Variants in GCN1 observed in about 807,000 individuals in gnomAD.
GCN1 encodes the protein stalled ribosome sensor GCN1.
GCN1 carries 90 observed loss-of-function variants against 288.4 expected under a neutral mutation model. The ratio of observed to expected loss-of-function variants is 0.31; its 90% CI spans 0.26 to 0.37. The LOEUF is 0.37. GCN1 is among the 10% of genes least tolerant of loss of function. The probability of loss-of-function intolerance (pLI) is 1.00; values close to 1 mark genes in which losing one functional copy is unlikely to be tolerated. For missense variants in GCN1, 2,586 were observed against 3,419.9 expected (o/e 0.76, Z 6.08); for synonymous variants, 1,386 against 1,420.2 (o/e 0.98, Z 0.54).
intron 38 of GCN1, among the ~76,000 whole-genome samples, chr12:120,146,829 G>C (rs1414071782): frequency 6.6e-6 from 1 of 152,198 alleles, no homozygotes; most frequent in African/African-American, 2.4e-5. Context: ...GAGAAGACAG[G>C]CCTTTCTGGG....
At position 120,162,813 on chromosome 12, in the gene GCN1, G is replaced by T. The variant is rs369399808; in HGVS notation, c.2163+34C>A. The stretch of plus-strand genomic sequence containing the variant: ...ACTGTGATGAGAGGGCCCCCTCCCG[G>T]ACCTGAGGCCAGACCAGCTCATGTG... On this transcript the variant is annotated intron_variant, in intron 20 of 57. Transcript: ENST00000300648. The T allele has an allele frequency of 5.0e-5, 80 of 1,609,814 alleles. No homozygotes were observed. The African/African-American group carries it at 1.0e-3, about 21-fold the overall frequency.
intron 2 of GCN1, among the ~76,000 whole-genome samples, chr12:120,188,559 A>C (rs1204265017): frequency 6.6e-6 from 1 of 151,754 alleles, no homozygotes; most frequent in Non-Finnish European, 1.5e-5. Flanking sequence ...ATGATATCCC[A>C]AGTCATAAAA....
rs1217721887 is a variant in GCN1 at position 120,178,703 on chromosome 12, C to G, written c.582G>C (p.Gln194His). The change falls in exon 7 of 58, where the codon CAG becomes CAC. Residue 194 changes from glutamine (Q) to histidine (H), a missense_variant. By Grantham distance (24) the Gln-to-His change is conservative (BLOSUM62 0). This residue lies in a region of GCN1 where 913 missense variants were observed against 1,107.0 expected (regional missense o/e 0.82). Coordinates refer to ENST00000300648, the MANE Select transcript of GCN1 (RefSeq NM_006836.2). The part of the protein sequence containing the change: ...LSAILSLEPN[Q>H]NYAGMLGLLV... ...GCAGCCCCAGCATGCCAGCATAGTT[C>G]TGGTTGGGCTCTAGGCTGAGAATGG... is the stretch of plus-strand genomic sequence containing the variant. 1.2e-6 allele frequency: 2 copies of G among 1,614,206 alleles called. No homozygotes were observed. Among genetic ancestry groups the G allele is most frequent in the Admixed American group, 1.7e-5 (1 of 60,030 alleles).
intron 39 of GCN1, 23 bp downstream of exon 39, chr12:120,145,239 C>A (rs1877327638): frequency 6.3e-7 from 1 of 1,577,450 alleles, no homozygotes; most frequent in South Asian, 1.2e-5. Flanking sequence ...CCTGGCCCAT[C>A]CCCCAGCCTA....
Position 120,155,340 on chromosome 12 carries a change from C to A in GCN1, c.3531G>T (p.Gln1177His). 6.2e-7 allele frequency: 1 copy of A among 1,614,214 alleles called. No homozygotes were observed. ...CTTGGGAGAGGGCTTCGGCCCCTGC[C>A]TGCCTTACAGCCGCCTCATGATAGA... ...DVIYHEAAVR[Q>H]AGAEALSQAV... Residue 1177 changes from glutamine to histidine, a missense_variant, in exon 30 of 58, where the codon CAG (glutamine) becomes CAT (histidine). By Grantham distance (24) the Gln-to-His change is conservative. Transcript: ENST00000300648. The surrounding 1 kb of genome is among the most constrained non-coding windows in gnomAD (Gnocchi z 4.9).
Position 120,183,015 on chromosome 12 carries a change from A to T in GCN1, c.426+554T>A, listed in dbSNP as rs563646812. The stretch of plus-strand genomic sequence containing the variant: ...TGACCTACACTAAGCCTACCCAGGC[A>T]CATGTCTGCTCTGCTCACCTCCCAA... On this transcript the variant is annotated intron_variant, in intron 5 of 57. Transcript: ENST00000300648. Among the ~76,000 whole-genome samples the T allele has an allele frequency of 1.1e-3, 160 of 151,720 alleles. 1 individual carries two copies. The South Asian group carries it at 0.017, about 17-fold the overall frequency.
At chr12:120,131,502 C>G (rs1353148808) in intron 54 of GCN1, among the ~76,000 whole-genome samples, 169 bp from the exon 55 acceptor site, 1 of 152,222 alleles carries the variant, frequency 6.6e-6, no homozygotes, top group Non-Finnish European at 1.5e-5. Context: ...AGAAGCTCCC[C>G]AAAGTGGCAC....
At chr12:120,157,104 C>T (rs1160593145) in intron 26 of GCN1, 112 bp from the exon 27 acceptor site, 11 of 683,406 alleles carry the variant, frequency 1.6e-5, no homozygotes, top group African/African-American at 7.1e-5. Context: ...GATCATACAA[C>T]CGGCCCCACC....
intron 1 of GCN1, among the ~76,000 whole-genome samples, chr12:120,193,559 C>T (rs1230825661): frequency 6.6e-6 from 1 of 152,190 alleles, no homozygotes; most frequent in Non-Finnish European, 1.5e-5. Flanking sequence ...CCCGCCTTGG[C>T]CTCCCAAAGT....
intron 15 of GCN1, among the ~76,000 whole-genome samples, chr12:120,169,305 AAAAG>A (rs1878241779): frequency 1.4e-5 from 2 of 147,616 alleles, no homozygotes; most frequent in East Asian, 2.0e-4. Flanking sequence ...AGAAAAAAAA[AAAAG>A]AAAAGAAAGC....
chr12:120,131,677 G>C (rs1876829823), intron 54 of GCN1, among the ~76,000 whole-genome samples: 1 of 152,188 alleles, frequency 6.6e-6, no homozygotes, highest in Non-Finnish European at 1.5e-5. Flanking sequence ...GCAGGGGCGT[G>C]ATCAAGGCTC....
At chr12:120,150,555 T>C (rs1191272370) in intron 34 of GCN1, among the ~76,000 whole-genome samples, 3 of 149,122 alleles carry the variant, frequency 2.0e-5, no homozygotes. Context: ...AGATTGTGCC[T>C]GGAGACAGAG....
chr12:120,156,815 G>T lies in GCN1; in HGVS notation c.3168+97C>A. On this transcript the variant is annotated intron_variant, in intron 27 of 57. Transcript: ENST00000300648. The surrounding 1 kb of genome is among the most constrained non-coding windows in gnomAD (Gnocchi z 5.8). ...TCTTTCTACCAAAGTCCAAAAGTAA[G>T]GGCTGAAAGGAAACTAGGACTCCAC... is the stretch of plus-strand genomic sequence containing the variant. 1 of 998,780 alleles carries T rather than the reference G, an allele frequency of 1.0e-6. No homozygotes were observed. The highest frequency in any genetic ancestry group is 1.3e-5 in the South Asian group (1 of 76,264). 61.9% of individuals were successfully genotyped at this position (998,780 alleles called of 1,614,324 possible).
rs895304018 is a variant in GCN1, at chr12:120,129,477, G to A, written c.7689C>T (p.Ser2563=). 15 of 1,613,232 alleles carry A rather than the reference G, an allele frequency of 9.3e-6. No individual in the cohort carries two copies. The highest frequency in any genetic ancestry group is 1.1e-5 in the Non-Finnish European group (13 of 1,179,288). The part of the protein sequence containing the change: ...SLFVKCLQNP[S]SDIRLVAEKM... Reference sequence around the variant, plus strand: ...TCTCAGCCACCAGCCTGATGTCGCTGGATGGGTTCTGCAGACACTGTAAAA... The same window carrying A: ...TCTCAGCCACCAGCCTGATGTCGCTAGATGGGTTCTGCAGACACTGTAAAA... The change falls in exon 57 of 58, where the codon TCC becomes TCT. Residue 2563 remains serine, a synonymous_variant. Coordinates refer to ENST00000300648, the MANE Select transcript of GCN1 (RefSeq NM_006836.2).
chr12:120,175,826 G>T lies in GCN1; in HGVS notation c.962C>A (p.Ala321Glu), dbSNP rs1878465349. The stretch of plus-strand genomic sequence containing the variant: ...GCACTGGCGTGCCAGGTTCCGCAGT[G>T]CCAGCACAGCTTCATCCATCAGGCG... ...SPRLMDEAVL[A>E]LRNLARQCSD... The change falls in exon 11 of 58, where the codon GCA becomes GAA. Residue 321 changes from alanine (A) to glutamate (E), a missense_variant. Physicochemically the swap from Ala to Glu is moderately radical, Grantham distance 107. Coordinates refer to ENST00000300648, the MANE Select transcript of GCN1 (RefSeq NM_006836.2). 6.2e-7 allele frequency: 1 copy of T among 1,613,074 alleles called. No homozygotes were observed. Among genetic ancestry groups the T allele is most frequent in the Admixed American group, 1.7e-5 (1 of 59,676 alleles).
In GCN1 at chr12:120,137,242, T is replaced by C; in HGVS notation, c.6741A>G (p.Lys2247=). The change falls in exon 50 of 58, where the codon AAA becomes AAG. Residue 2247 remains lysine (K), a synonymous_variant. Transcript: ENST00000300648. The surrounding 1 kb of genome is among the most constrained non-coding windows in gnomAD (Gnocchi z 5.2). ...GGCAGAATCCTGGCACATGCTCGCCTTTGCTCTCGTTCCCTATGAGCCGGA... is the reference window on the plus strand; with the variant it reads ...GGCAGAATCCTGGCACATGCTCGCCCTTGCTCTCGTTCCCTATGAGCCGGA... ...KEIRLIGNES[K]GEHVPGFCLP... 1.2e-6 allele frequency: 2 copies of C among 1,614,158 alleles called. No homozygotes were observed. The highest frequency in any genetic ancestry group is 1.7e-6 in the Non-Finnish European group (2 of 1,180,014).
At chr12:120,140,029 A>G (rs1048859690) in intron 45 of GCN1, among the ~76,000 whole-genome samples, 3 of 152,150 alleles carry the variant, frequency 2.0e-5, no homozygotes, top group East Asian at 1.9e-4. Flanking sequence ...GTGGAACTCT[A>G]CCTCTCCAAT....
intron 57 of GCN1, among the ~76,000 whole-genome samples, chr12:120,129,072 GC>G (rs1199395481): frequency 6.6e-6 from 1 of 151,826 alleles, no homozygotes; most frequent in Non-Finnish European, 1.5e-5. Flanking sequence ...TTGGTGATCT[GC>G]CCGCCTCAGC....
Position 120,130,766 on chromosome 12 carries a change from G to C in GCN1, c.7564-13C>G. 1 of 1,566,278 alleles carries C rather than the reference G, an allele frequency of 6.4e-7. No homozygotes were observed. The highest frequency in any genetic ancestry group is 8.8e-7 in the Non-Finnish European group (1 of 1,137,536). ...CCGCAATGGGGATCTGTGGAGAACA[G>C]ACAGCGCTAGACGGGAGGCCCCCCA... On this transcript the variant is annotated splice_polypyrimidine_tract_variant and intron_variant, in intron 55 of 57. Coordinates refer to ENST00000300648, the MANE Select transcript of GCN1 (RefSeq NM_006836.2).
Sources: allele counts gnomAD v4.1 joint callset (sites outside exome capture counted in the v4.1 genomes callset), GRCh38; gene constraint gnomAD v4.1.1; regional missense constraint gnomAD v4.1.1; non-coding constraint Gnocchi (gnomAD v3.1); transcripts MANE v1.5; gene names NCBI Gene and HGNC (gene_info 2026-07-23, HGNC 2026-07-21).